Variants in SLC6A13 observed in about 807,000 individuals in gnomAD.
The protein encoded by SLC6A13 is solute carrier family 6 member 13, also known as sodium- and chloride-dependent GABA transporter 2.
A neutral mutation model predicts 72.9 loss-of-function variants in SLC6A13; 69 were observed. That is an observed-to-expected ratio of 0.95 (90% CI 0.78 to 1.16). The LOEUF is 1.16. Among genes scored for constraint, SLC6A13 ranks in the 50% most tolerant of loss-of-function variants. The probability of loss-of-function intolerance (pLI) is 0.00; values close to 1 mark genes in which losing one functional copy is unlikely to be tolerated. For synonymous variants in SLC6A13, 303 were observed against 303.0 expected (o/e 1.00, Z 0.00); for missense variants, 735 against 760.5 (o/e 0.97, Z 0.39).
intron 2 of SLC6A13, among the ~76,000 whole-genome samples, chr12:251,123 T>C (rs1311740353): frequency 6.8e-6 from 1 of 146,486 alleles, no homozygotes; most frequent in Non-Finnish European, 1.5e-5. Context: ...GCCACTGCAC[T>C]CCAGCCTGGG....
At chr12:248,254 G>A (rs899965179) in intron 2 of SLC6A13, among the ~76,000 whole-genome samples, 7 of 151,982 alleles carry the variant, frequency 4.6e-5, no homozygotes, top group African/African-American at 1.7e-4. Context: ...AAAAAGACAT[G>A]AAGAGGTTAA....
chr12:233,848 C>A (rs953135227), intron 7 of SLC6A13, among the ~76,000 whole-genome samples: 3 of 152,114 alleles, frequency 2.0e-5, no homozygotes, highest in Admixed American at 1.3e-4. Flanking sequence ...CAAACAGCTG[C>A]TAACATGTCA....
At chr12:226,834 A>C in intron 8 of SLC6A13, 1 of 235,846 alleles carries the variant, frequency 4.2e-6, no homozygotes, top group Non-Finnish European at 8.4e-6. Flanking sequence ...GTAGGTCCAC[A>C]CCGCATGGGA....
Position 259,416 on chromosome 12 carries a change from C to T in SLC6A13, c.202+435G>A, listed in dbSNP as rs200421086. ...GACCACAGAACAGTTTGGTTATCAA[C>T]GTCATCATCAGCAGAGCTACTATTT... On this transcript the variant is annotated intron_variant, in intron 2 of 14. Coordinates refer to ENST00000343164, the MANE Select transcript of SLC6A13 (RefSeq NM_016615.5). 8.4e-6 allele frequency: 9 copies of T among 1,077,384 alleles called. No homozygotes were observed. The East Asian group carries it at 2.5e-4, about 30-fold the overall frequency. The allele number at this position is 1,077,384 out of a possible 1,614,324, so 66.7% of individuals were successfully genotyped here. A position where few individuals can be genotyped will look rare whatever the true frequency, so the allele number is the denominator to read the frequency against.
chr12:234,668 C>A (rs1041486957), intron 7 of SLC6A13, among the ~76,000 whole-genome samples: 2 of 152,094 alleles, frequency 1.3e-5, no homozygotes, highest in African/African-American at 4.8e-5. Flanking sequence ...CAGGTGCGTG[C>A]CACTACACCC....
intron 5 of SLC6A13, among the ~76,000 whole-genome samples, chr12:237,496 G>A (rs1384765461): frequency 6.6e-6 from 1 of 152,146 alleles, no homozygotes; most frequent in Non-Finnish European, 1.5e-5. Flanking sequence ...TTTGCTCTGA[G>A]TGCTTTGTCC....
intron 1 of SLC6A13, among the ~76,000 whole-genome samples, chr12:262,373 G>A (rs909922043): frequency 6.6e-6 from 1 of 152,214 alleles, no homozygotes; most frequent in African/African-American, 2.4e-5. Context: ...GGGGATGATA[G>A]ATAGGATATA....
chr12:253,164 C>A (rs1269100360), intron 2 of SLC6A13, among the ~76,000 whole-genome samples: 1 of 152,186 alleles, frequency 6.6e-6, no homozygotes, highest in African/African-American at 2.4e-5. Context: ...TAGGAGAGAC[C>A]ATATCCCCGT....
chr12:221,183 C>T, intron 14 of SLC6A13, 113 bp from the exon 15 acceptor site: 1 of 1,409,586 alleles, frequency 7.1e-7, no homozygotes, highest in Non-Finnish European at 9.4e-7. Context: ...CTCCTGTCAT[C>T]ACAGCCCCTG....
intron 2 of SLC6A13, among the ~76,000 whole-genome samples, chr12:246,696 A>T (rs1389710589): frequency 6.6e-6 from 1 of 152,156 alleles, no homozygotes; most frequent in African/African-American, 2.4e-5. Context: ...ACTATCTAAA[A>T]TAAAACACAG....
rs1941211347 is a variant in SLC6A13 at position 221,521 on chromosome 12, T to C, written c.1541A>G (p.Lys514Arg). 2 of 1,604,664 alleles carry C rather than the reference T, an allele frequency of 1.2e-6. No homozygotes were observed. Among genetic ancestry groups the C allele is most frequent in the African/African-American group, 1.3e-5 (1 of 74,592 alleles). The change falls in exon 14 of 15, where the codon AAG becomes AGG. Residue 514 changes from lysine to arginine, a missense_variant. Transcript: ENST00000343164. ...CTTGTTGTAGGTCAGCGGAGTGTAC[T>C]TTATCAGGGAGAAGAGAAAGGTGGC... The part of the protein sequence containing the change: ...CTATFLFSLI[K>R]YTPLTYNKKY...
chr12:225,312 G>A (rs1941398922), intron 9 of SLC6A13, among the ~76,000 whole-genome samples: 2 of 152,238 alleles, frequency 1.3e-5, no homozygotes, highest in South Asian at 2.1e-4. Context: ...CATGGTACGA[G>A]TAGAGTGCCT....
intron 2 of SLC6A13, among the ~76,000 whole-genome samples, chr12:256,849 C>T (rs571396403): frequency 2.6e-5 from 4 of 152,194 alleles, no homozygotes; most frequent in South Asian, 2.1e-4. Flanking sequence ...CAGTCGGGTA[C>T]GTTACTAAAG....
At chr12:234,499 C>CATTTT (rs1432421440) in intron 7 of SLC6A13, among the ~76,000 whole-genome samples, 1 of 147,706 alleles carries the variant, frequency 6.8e-6, no homozygotes, top group Non-Finnish European at 1.5e-5. Flanking sequence ...TATTTTATTT[C>CATTTT]ATTTTATTTT....
chr12:226,846 G>A (rs575737304), intron 8 of SLC6A13: 3 of 214,216 alleles, frequency 1.4e-5, no homozygotes, highest in South Asian at 1.6e-4. Flanking sequence ...CGCATGGGAC[G>A]CCACCACTCT....
At position 249,770 on chromosome 12, in the gene SLC6A13, C is replaced by T. The variant is rs529030166; in HGVS notation, c.203-5957G>A. Among the ~76,000 whole-genome samples, 14 of 151,966 alleles carry T rather than the reference C, an allele frequency of 9.2e-5. 1 individual carries two copies. In the South Asian group the frequency reaches 1.9e-3, roughly 20 times the overall value. ...CCAATTTTATAAAGTGAGCATTACC[C>T]TGATAATAAAAGCAGACAAATACAT... On this transcript the variant is annotated intron_variant, in intron 2 of 14. Coordinates refer to ENST00000343164, the MANE Select transcript of SLC6A13 (RefSeq NM_016615.5).
rs373804925 is a variant in SLC6A13, at chr12:243,640, G to A, written c.337+39C>T. ...CATTCCAAACAAGGTTTATAACCAC[G>A]AATGAAGACGCTTTGGAGTCAGGTA... On this transcript the variant is annotated intron_variant, in intron 3 of 14. Coordinates refer to ENST00000343164, the MANE Select transcript of SLC6A13 (RefSeq NM_016615.5). The A allele has an allele frequency of 5.8e-5, 93 of 1,593,530 alleles. No homozygotes were observed. The African/African-American group carries it at 6.9e-4, about 12-fold the overall frequency.
chr12:243,304 C>G (rs561998287), intron 3 of SLC6A13, among the ~76,000 whole-genome samples: 3 of 152,352 alleles, frequency 2.0e-5, no homozygotes, highest in Non-Finnish European at 4.4e-5. Context: ...CATGGGCCAC[C>G]ACGCCCGGCC....
intron 10 of SLC6A13, 26 bp downstream of exon 10, chr12:224,375 G>T: frequency 6.3e-7 from 1 of 1,578,130 alleles, no homozygotes; most frequent in Non-Finnish European, 8.7e-7. Flanking sequence ...TCATCTCTCA[G>T]CCTCTGAGTG....
Sources: allele counts gnomAD v4.1 joint callset (sites outside exome capture counted in the v4.1 genomes callset), GRCh38; gene constraint gnomAD v4.1.1; transcripts MANE v1.5; gene names NCBI Gene and HGNC (gene_info 2026-07-23, HGNC 2026-07-21).